The following XKR9 variants were observed in gnomAD, a reference collection of about 807,000 sequenced individuals.
The protein encoded by XKR9 is XK related 9, also known as XK-related protein 9.
Under a neutral mutation model 32.0 loss-of-function variants are expected in XKR9, and 32 were observed. The ratio of observed to expected loss-of-function variants is 1.00; its 90% confidence interval spans 0.76 to 1.34. The LOEUF (loss-of-function observed/expected upper bound fraction) is 1.34, where lower values mean the gene tolerates loss of function less well. Ranked by LOEUF, XKR9 falls within the 40% of genes most tolerant of loss-of-function variation. The pLI is 0.00. For missense variants in XKR9, 546 were observed against 429.7 expected (o/e 1.27, Z -2.39); for synonymous variants, 168 against 143.4 (o/e 1.17, Z -1.22).
chr8:70,806,422 C>T, the XKR9 span, among the ~76,000 whole-genome samples: 1 of 152,244 alleles, frequency 6.6e-6, no homozygotes, highest in East Asian at 1.9e-4. Context: ...ATGAGATGGA[C>T]AAATAGACAG....
intron 2 of XKR9, among the ~76,000 whole-genome samples, chr8:70,779,481 G>T (rs1807585321): frequency 6.6e-6 from 1 of 152,142 alleles, no homozygotes; most frequent in South Asian, 2.1e-4. Flanking sequence ...AATGAGGTAG[G>T]GAGGATTCCC....
chr8:70,753,652 C>A lies in XKR9; in HGVS notation n.353-35687C>A, dbSNP rs1249415524. ...ATGTAGTCCAGCATATAAACAGAAC[C>A]AAAGACAAAAACCACATGATTATCT... On this transcript the variant is annotated intron_variant and non_coding_transcript_variant, in intron 2 of 3. Transcript: ENST00000520273. Among the ~76,000 whole-genome samples, 4 of 151,964 alleles carry A rather than the reference C, an allele frequency of 2.6e-5. No individual in the cohort carries two copies. The East Asian group carries it at 7.8e-4, about 29-fold the overall frequency.
chr8:70,727,218 T>A (rs1434093336), intron 4 of XKR9, among the ~76,000 whole-genome samples: 1 of 152,154 alleles, frequency 6.6e-6, no homozygotes, highest in African/African-American at 2.4e-5. Context: ...TGGAAGTCCC[T>A]TTGTTTATGT....
chr8:70,720,931 G>C (rs1302727778), intron 4 of XKR9, among the ~76,000 whole-genome samples: 1 of 152,200 alleles, frequency 6.6e-6, no homozygotes, highest in South Asian at 2.1e-4. Context: ...CTCTTGTCCT[G>C]GGCTTTGTTC....
At chr8:70,815,128 C>G in the XKR9 span, among the ~76,000 whole-genome samples, 2 of 152,048 alleles carry the variant, frequency 1.3e-5, no homozygotes, top group Non-Finnish European at 2.9e-5. Flanking sequence ...ACTTATGGAT[C>G]AGAAGAATTT....
At chr8:71,055,249 G>T in the XKR9 span, among the ~76,000 whole-genome samples, 1 of 152,170 alleles carries the variant, frequency 6.6e-6, no homozygotes, top group Admixed American at 6.6e-5. Flanking sequence ...CTCCCTCCAA[G>T]ATTAAAGTTG....
chr8:70,682,759 T>A (rs1454383226), intron 3 of XKR9, among the ~76,000 whole-genome samples: 1 of 152,224 alleles, frequency 6.6e-6, no homozygotes, highest in African/African-American at 2.4e-5. Flanking sequence ...AAGCCTGTTT[T>A]GCTTTTTCAA....
the XKR9 span, among the ~76,000 whole-genome samples, chr8:71,024,055 C>A: frequency 6.6e-6 from 1 of 152,130 alleles, no homozygotes; most frequent in Non-Finnish European, 1.5e-5. Context: ...CAGGGCCAGG[C>A]CAGGCAGGCC....
intron 3 of XKR9, among the ~76,000 whole-genome samples, chr8:70,689,701 A>G (rs1444194730): frequency 2.0e-5 from 3 of 152,154 alleles, no homozygotes; most frequent in Admixed American, 6.5e-5. Flanking sequence ...ATAAAGAATG[A>G]TAAAGTACTT....
chr8:70,925,959 G>A, the XKR9 span, among the ~76,000 whole-genome samples: 5 of 152,274 alleles, frequency 3.3e-5, no homozygotes, highest in African/African-American at 1.2e-4. Flanking sequence ...TACATTATAA[G>A]TACACATTAT....
the XKR9 span, among the ~76,000 whole-genome samples, chr8:70,815,094 CA>C: frequency 1.5e-4 from 23 of 152,270 alleles, no homozygotes; most frequent in African/African-American, 5.5e-4. Context: ...GTAGATGACA[CA>C]AACAAATGGA....
the XKR9 span, among the ~76,000 whole-genome samples, chr8:71,058,566 G>A: frequency 1.3e-5 from 2 of 152,224 alleles, no homozygotes; most frequent in Non-Finnish European, 2.9e-5. Context: ...AGAAATTAGT[G>A]AGTGTAAGAA....
the XKR9 span, among the ~76,000 whole-genome samples, chr8:70,911,463 G>A: frequency 6.6e-6 from 1 of 152,124 alleles, no homozygotes; most frequent in South Asian, 2.1e-4. Context: ...TTTACTTTGT[G>A]TCAGTAATAC....
chr8:70,752,412 A>C (rs1297173210), intron 2 of XKR9, among the ~76,000 whole-genome samples: 1 of 152,208 alleles, frequency 6.6e-6, no homozygotes, highest in African/African-American at 2.4e-5. Context: ...TGAGGGCCTC[A>C]TGATGCATCA....
the XKR9 span, among the ~76,000 whole-genome samples, chr8:71,018,227 C>G: frequency 2.6e-5 from 4 of 151,780 alleles, no homozygotes; most frequent in African/African-American, 9.7e-5. Context: ...TGTGAGTATA[C>G]AAAAATAGAA....
the XKR9 span, among the ~76,000 whole-genome samples, chr8:70,972,557 A>G: frequency 1.3e-5 from 2 of 152,224 alleles, no homozygotes; most frequent in African/African-American, 2.4e-5. Flanking sequence ...TTTAGGGGGA[A>G]TGCTTTCAAC....
the XKR9 span, among the ~76,000 whole-genome samples, chr8:70,988,173 A>G: frequency 6.6e-6 from 1 of 152,268 alleles, no homozygotes; most frequent in African/African-American, 2.4e-5. Flanking sequence ...CTCCCACAAC[A>G]TGTGGGAATT....
At chr8:70,768,763 T>G (rs986035363) in intron 2 of XKR9, among the ~76,000 whole-genome samples, 3 of 152,068 alleles carry the variant, frequency 2.0e-5, no homozygotes, top group Non-Finnish European at 4.4e-5. Flanking sequence ...TTTTTTTTTT[T>G]TTTGATTTAC....
the XKR9 span, among the ~76,000 whole-genome samples, chr8:71,037,146 C>T: frequency 6.6e-6 from 1 of 152,050 alleles, no homozygotes; most frequent in Non-Finnish European, 1.5e-5. Context: ...GTATGAATTC[C>T]AGAAGGTGGC....
Sources: allele counts gnomAD v4.1 joint callset (sites outside exome capture counted in the v4.1 genomes callset), GRCh38; gene constraint gnomAD v4.1.1; transcripts MANE v1.5; gene names NCBI Gene and HGNC (gene_info 2026-07-23, HGNC 2026-07-21).